The following RASAL2 variants were observed in gnomAD, a reference collection of about 807,000 sequenced individuals.
The protein encoded by RASAL2 is RAS protein activator like 2.
RASAL2 carries 58 observed loss-of-function variants against 128.9 expected under a neutral mutation model. That is an observed-to-expected ratio of 0.45 (90% CI 0.36 to 0.56). RASAL2 has a LOEUF of 0.56. Among genes scored for constraint, RASAL2 ranks in the 20% least tolerant of loss-of-function variants. The pLI is 0.00. For missense variants in RASAL2, 1,360 were observed against 1,601.6 expected (o/e 0.85, Z 2.57); for synonymous variants, 561 against 580.8 (o/e 0.97, Z 0.49).
intron 1 of RASAL2, among the ~76,000 whole-genome samples, chr1:178,149,735 T>G (rs1490440427): frequency 6.6e-6 from 1 of 152,146 alleles, no homozygotes; most frequent in Non-Finnish European, 1.5e-5. Context: ...CCTTTCTAGA[T>G]GGAAGGCAGA....
At chr1:178,385,304 G>C (rs1672500686) in intron 3 of RASAL2, among the ~76,000 whole-genome samples, 1 of 152,038 alleles carries the variant, frequency 6.6e-6, no homozygotes, top group Admixed American at 6.5e-5. Context: ...AGGCATGGTG[G>C]CACACACTTA....
chr1:178,199,601 G>A (rs941105108), intron 1 of RASAL2, among the ~76,000 whole-genome samples: 1 of 152,194 alleles, frequency 6.6e-6, no homozygotes, highest in African/African-American at 2.4e-5. Flanking sequence ...ATATTTTACA[G>A]TAGTAAAAAT....
chr1:178,147,254 C>T (rs1316839391), intron 1 of RASAL2, among the ~76,000 whole-genome samples: 4 of 151,926 alleles, frequency 2.6e-5, no homozygotes, highest in South Asian at 2.1e-4. Context: ...TTAGGGAGGC[C>T]GAGGTGGGTG....
chr1:178,119,740 C>T (rs1297838260), intron 1 of RASAL2, among the ~76,000 whole-genome samples: 1 of 152,186 alleles, frequency 6.6e-6, no homozygotes, highest in African/African-American at 2.4e-5. Context: ...AGCACTGTTG[C>T]CTTGTTGTCA....
intron 1 of RASAL2, among the ~76,000 whole-genome samples, chr1:178,204,017 G>A (rs1309563026): frequency 1.3e-5 from 2 of 152,206 alleles, no homozygotes; most frequent in Admixed American, 6.5e-5. Flanking sequence ...TACAGAATTG[G>A]TAGTAGTAGA....
intron 1 of RASAL2, among the ~76,000 whole-genome samples, chr1:178,124,245 G>T (rs1427799509): frequency 6.6e-6 from 1 of 152,142 alleles, no homozygotes; most frequent in Non-Finnish European, 1.5e-5. Context: ...TCCTTAGAGT[G>T]GTAGTTCTCA....
rs189336623 is a variant in RASAL2 at position 178,169,925 on chromosome 1, G to A, written c.202+75231G>A. ...ATACTTTAAAGAAATACACATCATG[G>A]AAGAATGGGAAGGTTTAAAACATTA... On this transcript the variant is annotated intron_variant, in intron 1 of 17. Transcript: ENST00000367649. Among the ~76,000 whole-genome samples the A allele has an allele frequency of 2.7e-3, 404 of 152,048 alleles. 3 individuals are homozygous for A. Among genetic ancestry groups the A allele is most frequent in the Non-Finnish European group, 4.4e-3 (301 of 67,894 alleles).
At chr1:178,423,007 C>A (rs1457367912) in intron 5 of RASAL2, among the ~76,000 whole-genome samples, 1 of 152,012 alleles carries the variant, frequency 6.6e-6, no homozygotes, top group African/African-American at 2.4e-5. Flanking sequence ...CTTTAAAACT[C>A]CATACATAAA....
At chr1:178,133,292 A>G (rs765253153) in intron 1 of RASAL2, among the ~76,000 whole-genome samples, 2 of 152,134 alleles carry the variant, frequency 1.3e-5, no homozygotes, top group African/African-American at 2.4e-5. Context: ...TGTTATAAAT[A>G]TTATCATGGC....
At chr1:178,319,970 T>C (rs1668674762) in intron 3 of RASAL2, among the ~76,000 whole-genome samples, 1 of 152,130 alleles carries the variant, frequency 6.6e-6, no homozygotes. Flanking sequence ...AGATGGGTTT[T>C]CGGTGTGGAT....
At position 178,136,867 on chromosome 1, in the gene RASAL2, A is replaced by G. The variant is rs74374520; in HGVS notation, c.202+42173A>G. On this transcript the variant is annotated intron_variant, in intron 1 of 17. Coordinates refer to ENST00000367649, the MANE Select transcript of RASAL2 (RefSeq NM_170692.4). The stretch of plus-strand genomic sequence containing the variant: ...AACTGAAACATAAAGGTCTAGTCCT[A>G]TCCCTGCAGTGAGAATAATATGTTC... 4.2e-3 allele frequency among the ~76,000 whole-genome samples: 636 copies of G among 151,586 alleles called. 3 individuals are homozygous for G. Among genetic ancestry groups the G allele is most frequent in the African/African-American group, 0.014 (578 of 41,334 alleles).
chr1:178,418,816 C>T (rs1674948229), intron 4 of RASAL2, among the ~76,000 whole-genome samples: 1 of 152,068 alleles, frequency 6.6e-6, no homozygotes, highest in Admixed American at 6.6e-5. Flanking sequence ...TGAAATGAGA[C>T]CAGAAGTGAT....
chr1:178,132,921 A>G (rs952903798), intron 1 of RASAL2, among the ~76,000 whole-genome samples: 5 of 152,018 alleles, frequency 3.3e-5, no homozygotes, highest in Admixed American at 2.0e-4. Flanking sequence ...GGTATGTGCC[A>G]CCATACCTAG....
chr1:178,338,983 C>T (rs1270287269), intron 3 of RASAL2, among the ~76,000 whole-genome samples: 1 of 152,168 alleles, frequency 6.6e-6, no homozygotes, highest in Non-Finnish European at 1.5e-5. Context: ...AAATGCCTGA[C>T]GTTAGTCAGT....
intron 1 of RASAL2, among the ~76,000 whole-genome samples, chr1:178,191,859 A>G (rs1310428441): frequency 1.3e-5 from 2 of 152,234 alleles, no homozygotes; most frequent in African/African-American, 4.8e-5. Context: ...AATGAATTGT[A>G]GCAAAATCCT....
At chr1:178,326,351 A>G (rs1669039400) in intron 3 of RASAL2, among the ~76,000 whole-genome samples, 1 of 152,168 alleles carries the variant, frequency 6.6e-6, no homozygotes, top group Non-Finnish European at 1.5e-5. Flanking sequence ...ATTATCCCTC[A>G]TAAGTGAGAA....
At chr1:178,180,663 TCACACA>T (rs3979280) in intron 1 of RASAL2, among the ~76,000 whole-genome samples, 25 of 139,210 alleles carry the variant, frequency 1.8e-4, no homozygotes, top group South Asian at 7.2e-4. Flanking sequence ...CGAGACTGTC[TCACACA>T]CACACACACA....
intron 3 of RASAL2, among the ~76,000 whole-genome samples, chr1:178,376,413 G>A (rs542002821): frequency 6.6e-6 from 1 of 152,110 alleles, no homozygotes; most frequent in Non-Finnish European, 1.5e-5. Context: ...GAGAAGACTT[G>A]TACATATTTT....
intron 3 of RASAL2, chr1:178,372,453 T>C (rs1671772015): frequency 1.4e-6 from 1 of 705,120 alleles, no homozygotes; most frequent in African/African-American, 1.9e-5. Flanking sequence ...AGGGAATATG[T>C]TTAAGTCGTT....
Sources: allele counts gnomAD v4.1 joint callset (sites outside exome capture counted in the v4.1 genomes callset), GRCh38; gene constraint gnomAD v4.1.1; transcripts MANE v1.5; gene names NCBI Gene and HGNC (gene_info 2026-07-23, HGNC 2026-07-21).